Variants in SSBP2 observed in about 807,000 individuals in gnomAD.
SSBP2 encodes single stranded DNA binding protein 2.
SSBP2 carries 17 observed loss-of-function variants against 61.8 expected under a neutral mutation model. The observed-to-expected ratio is 0.28, with a 90% CI of 0.19 to 0.41. SSBP2 has a LOEUF of 0.41. SSBP2 is among the 10% of genes least tolerant of loss of function. SSBP2 has a pLI of 1.00. For missense variants in SSBP2, 310 were observed against 458.7 expected (o/e 0.68, Z 2.96); for synonymous variants, 139 against 141.3 (o/e 0.98, Z 0.12).
chr5:81,727,661 T>C (rs1339523540), intron 1 of SSBP2, among the ~76,000 whole-genome samples: 1 of 152,262 alleles, frequency 6.6e-6, no homozygotes, highest in Non-Finnish European at 1.5e-5. Flanking sequence ...ATTTGAGATT[T>C]TTCTCAGAGG....
chr5:81,719,472 G>C (rs1344820200), intron 1 of SSBP2, among the ~76,000 whole-genome samples: 1 of 152,058 alleles, frequency 6.6e-6, no homozygotes, highest in Non-Finnish European at 1.5e-5. Flanking sequence ...TGGAATCACT[G>C]TGGGTGCCCA....
intron 3 of SSBP2, among the ~76,000 whole-genome samples, chr5:81,629,264 C>T (rs1447325328): frequency 3.3e-5 from 5 of 152,182 alleles, no homozygotes; most frequent in Non-Finnish European, 7.3e-5. Flanking sequence ...GAATTACAGG[C>T]GTGAGCCACC....
rs540550341 is a variant in SSBP2 at position 81,619,619 on chromosome 5, C to G, written c.198-4062G>C. 8.2e-5 allele frequency among the ~76,000 whole-genome samples: 12 copies of G among 146,022 alleles called. No individual in the cohort carries two copies. The East Asian group carries it at 2.4e-3, about 29-fold the overall frequency. The stretch of plus-strand genomic sequence containing the variant: ...ACTCATTTTATGGGCCAGCATCATT[C>G]TGATACCAAAGCCGGGCAGAGACAC... On this transcript the variant is annotated intron_variant, in intron 3 of 16. Transcript: ENST00000320672.
At chr5:81,538,259 C>T (rs537814266) in intron 4 of SSBP2, among the ~76,000 whole-genome samples, 3 of 152,242 alleles carry the variant, frequency 2.0e-5, no homozygotes, top group African/African-American at 7.2e-5. Flanking sequence ...AAGATCAAAC[C>T]AGCCACAACA....
chr5:81,701,925 TAATGA>T (rs1273097050), intron 1 of SSBP2, among the ~76,000 whole-genome samples: 1 of 152,242 alleles, frequency 6.6e-6, no homozygotes, highest in Non-Finnish European at 1.5e-5. Flanking sequence ...ACATAGTAGT[TAATGA>T]AAAGTTTAGA....
At chr5:81,539,960 TCAACTCTCA>T (rs1771124443) in intron 4 of SSBP2, among the ~76,000 whole-genome samples, 1 of 152,154 alleles carries the variant, frequency 6.6e-6, no homozygotes, top group Non-Finnish European at 1.5e-5. Context: ...TTCTCATTGT[TCAACTCTCA>T]CTTATGAGTG....
At chr5:81,568,193 G>A (rs561504135) in intron 4 of SSBP2, among the ~76,000 whole-genome samples, 1 of 152,264 alleles carries the variant, frequency 6.6e-6, no homozygotes, top group South Asian at 2.1e-4. Context: ...ATCTTGAATT[G>A]TACTCCCATA....
intron 5 of SSBP2, among the ~76,000 whole-genome samples, chr5:81,492,632 T>A (rs1018150715): frequency 2.0e-5 from 3 of 151,984 alleles, no homozygotes; most frequent in Non-Finnish European, 4.4e-5. Context: ...TTTGAAGGTA[T>A]CATGATGGTG....
intron 1 of SSBP2, among the ~76,000 whole-genome samples, chr5:81,690,560 C>G (rs576144033): frequency 1.3e-5 from 2 of 152,196 alleles, no homozygotes; most frequent in African/African-American, 4.8e-5. Flanking sequence ...GCATACAACA[C>G]TGCAGCACCC....
chr5:81,630,900 CAATAGAACACTCTT>C (rs1484468247), intron 3 of SSBP2, among the ~76,000 whole-genome samples: 4 of 151,978 alleles, frequency 2.6e-5, no homozygotes, highest in African/African-American at 7.2e-5. Flanking sequence ...ATTAATGCTA[CAATAGAACACTCTT>C]AAAATCGTCA....
intron 4 of SSBP2, among the ~76,000 whole-genome samples, chr5:81,614,450 G>A (rs1745804667): frequency 6.6e-6 from 1 of 150,786 alleles, no homozygotes; most frequent in African/African-American, 2.4e-5. Context: ...TCTTCCTCAT[G>A]CTATTTTGGA....
At chr5:81,540,902 A>G (rs753962568) in intron 4 of SSBP2, among the ~76,000 whole-genome samples, 3 of 151,838 alleles carry the variant, frequency 2.0e-5, no homozygotes, top group Non-Finnish European at 4.4e-5. Flanking sequence ...TGGAGGTCCT[A>G]GCCAGATCAA....
chr5:81,738,400 C>T (rs1031147385), intron 1 of SSBP2, among the ~76,000 whole-genome samples: 1 of 152,176 alleles, frequency 6.6e-6, no homozygotes, highest in African/African-American at 2.4e-5. Flanking sequence ...AGCTAAATTA[C>T]TTATCCTATT....
intron 1 of SSBP2, among the ~76,000 whole-genome samples, chr5:81,731,434 T>C (rs1003890335): frequency 1.3e-5 from 2 of 152,136 alleles, no homozygotes; most frequent in African/African-American, 2.4e-5. Context: ...CAATATCCTA[T>C]GGAAAAATAT....
intron 1 of SSBP2, among the ~76,000 whole-genome samples, chr5:81,700,097 T>C (rs1337089894): frequency 3.9e-5 from 6 of 152,112 alleles, no homozygotes; most frequent in African/African-American, 7.2e-5. Flanking sequence ...TCCTCCTACC[T>C]TGGCTCCCAA....
chr5:81,746,911 T>C (rs1009951751), intron 1 of SSBP2, among the ~76,000 whole-genome samples: 10 of 152,064 alleles, frequency 6.6e-5, no homozygotes, highest in Non-Finnish European at 4.4e-5. Context: ...CCAGTTACTC[T>C]TTCTGCGGTA....
intron 3 of SSBP2, among the ~76,000 whole-genome samples, chr5:81,621,994 A>G (rs1746619284): frequency 6.8e-6 from 1 of 147,556 alleles, no homozygotes; most frequent in Admixed American, 6.8e-5. Context: ...ATTGGGAGAT[A>G]TACCTAAGGC....
At chr5:81,735,341 T>A (rs1009106220) in intron 1 of SSBP2, among the ~76,000 whole-genome samples, 13 of 152,216 alleles carry the variant, frequency 8.5e-5, no homozygotes, top group Non-Finnish European at 1.8e-4. Context: ...TAAATTTAAA[T>A]ACAGTCATCC....
intron 2 of SSBP2, among the ~76,000 whole-genome samples, chr5:81,645,365 T>C (rs1749155456): frequency 6.6e-6 from 1 of 152,194 alleles, no homozygotes; most frequent in African/African-American, 2.4e-5. Context: ...GCAATCCTAA[T>C]AAAATCTGAA....
Sources: gnomAD v4.1 joint callset for allele counts (sites outside exome capture counted in the v4.1 genomes callset) on GRCh38, gnomAD v4.1.1 for gene constraint, MANE v1.5 for transcripts, NCBI Gene and HGNC (gene_info 2026-07-23, HGNC 2026-07-21) for gene names.